The following PTPRR variants were observed in gnomAD, a reference collection of about 807,000 sequenced individuals.
PTPRR encodes protein tyrosine phosphatase receptor type R.
PTPRR carries 38 observed loss-of-function variants against 77.2 expected under a neutral mutation model. That is an observed-to-expected ratio of 0.49 (90% CI 0.38 to 0.65). The LOEUF is 0.65. Ranked by LOEUF, PTPRR falls within the 30% of genes least tolerant of loss-of-function variation. The probability of loss-of-function intolerance (pLI) is 0.00; values close to 1 mark genes in which losing one functional copy is unlikely to be tolerated. For missense variants in PTPRR, 744 were observed against 799.2 expected, an observed-to-expected ratio of 0.93 and a Z score of 0.83; for synonymous variants, 299 against 283.1, an observed-to-expected ratio of 1.06 and a Z score of -0.57.
intron 2 of PTPRR, among the ~76,000 whole-genome samples, chr12:70,775,907 C>T (rs1039923055): frequency 6.6e-6 from 1 of 152,124 alleles, no homozygotes; most frequent in Admixed American, 6.5e-5. Flanking sequence ...GAGTAGAGAA[C>T]GCTGACCTGT....
At chr12:70,754,601 A>G (rs1181597786) in intron 4 of PTPRR, 2 of 1,597,820 alleles carry the variant, frequency 1.3e-6, no homozygotes, top group Non-Finnish European at 1.7e-6. Flanking sequence ...CATAGGTAAG[A>G]GAGTTCTGTT....
At chr12:70,828,331 C>A (rs1892152523) in intron 2 of PTPRR, among the ~76,000 whole-genome samples, 1 of 152,150 alleles carries the variant, frequency 6.6e-6, no homozygotes, top group Admixed American at 6.5e-5. Context: ...GGTTCTTCAG[C>A]CCCTGAACTA....
At chr12:70,875,389 T>A (rs1434387221) in intron 2 of PTPRR, among the ~76,000 whole-genome samples, 1 of 152,130 alleles carries the variant, frequency 6.6e-6, no homozygotes, top group East Asian at 1.9e-4. Context: ...CATATACATA[T>A]TGGGTTCTTA....
chr12:70,895,731 T>A (rs572054616), intron 1 of PTPRR, among the ~76,000 whole-genome samples: 1 of 151,662 alleles, frequency 6.6e-6, no homozygotes, highest in Non-Finnish European at 1.5e-5. Context: ...AATTCTTATG[T>A]TCAAACTCTG....
chr12:70,789,123 A>G, intron 2 of PTPRR: 2 of 429,120 alleles, frequency 4.7e-6, no homozygotes, highest in Non-Finnish European at 4.1e-6. Context: ...GCAAAACTGT[A>G]AGATGAGAAC....
chr12:70,765,268 G>A (rs1467547800), intron 2 of PTPRR, among the ~76,000 whole-genome samples: 1 of 152,218 alleles, frequency 6.6e-6, no homozygotes, highest in South Asian at 2.1e-4. Flanking sequence ...AAAGAAAGGG[G>A]TGACAGACGG....
chr12:70,653,856 G>C (rs1234355756), intron 13 of PTPRR, among the ~76,000 whole-genome samples: 1 of 152,186 alleles, frequency 6.6e-6, no homozygotes, highest in African/African-American at 2.4e-5. Context: ...TGTTTCCAGA[G>C]CCCAGAATGT....
intron 2 of PTPRR, among the ~76,000 whole-genome samples, chr12:70,842,095 T>C (rs916044939): frequency 6.6e-6 from 1 of 152,228 alleles, no homozygotes; most frequent in Non-Finnish European, 1.5e-5. Context: ...GCAATTCCTA[T>C]GGAAACAAAA....
chr12:70,864,833 T>C (rs558127159), intron 2 of PTPRR, among the ~76,000 whole-genome samples: 17 of 152,286 alleles, frequency 1.1e-4, no homozygotes, highest in Admixed American at 4.6e-4. Flanking sequence ...GTTTTTGAGA[T>C]GGAGCTCTCA....
chr12:70,754,421 C>A (rs1306830550), intron 4 of PTPRR, 120 bp from the exon 5 acceptor site: 1 of 1,562,500 alleles, frequency 6.4e-7, no homozygotes, highest in African/African-American at 1.4e-5. Context: ...CACACCTACA[C>A]CCCCCGCTGC....
intron 8 of PTPRR, among the ~76,000 whole-genome samples, chr12:70,690,779 A>T (rs553278528): frequency 6.6e-6 from 1 of 152,352 alleles, no homozygotes; most frequent in South Asian, 2.1e-4. Flanking sequence ...ATCACTTTCC[A>T]TCAAGAGTTG....
chr12:70,716,804 T>C (rs1422609699), intron 6 of PTPRR, among the ~76,000 whole-genome samples: 1 of 152,160 alleles, frequency 6.6e-6, no homozygotes, highest in Non-Finnish European at 1.5e-5. Flanking sequence ...GCTATAATTG[T>C]GCCACTGCAC....
At chr12:70,735,824 A>G (rs1889843337) in intron 6 of PTPRR, among the ~76,000 whole-genome samples, 1 of 152,204 alleles carries the variant, frequency 6.6e-6, no homozygotes. Context: ...GTCTGAGATC[A>G]TACATAAGCA....
intron 2 of PTPRR, among the ~76,000 whole-genome samples, chr12:70,799,654 G>T (rs1389523528): frequency 6.6e-6 from 1 of 151,952 alleles, no homozygotes; most frequent in Non-Finnish European, 1.5e-5. Context: ...TTCTTTCTTG[G>T]AAATAAACAT....
intron 8 of PTPRR, among the ~76,000 whole-genome samples, chr12:70,691,540 A>G (rs1888056222): frequency 6.6e-6 from 1 of 152,106 alleles, no homozygotes; most frequent in South Asian, 2.1e-4. Context: ...TCTCAAATAC[A>G]TACTTCAGAC....
intron 12 of PTPRR, among the ~76,000 whole-genome samples, chr12:70,657,324 G>A (rs752270951): frequency 2.6e-5 from 4 of 152,342 alleles, no homozygotes; most frequent in African/African-American, 7.2e-5. Context: ...ATGTTCAGAA[G>A]TCTAGTGAAT....
At chr12:70,754,903 C>A in intron 4 of PTPRR, 1 of 536,578 alleles carries the variant, frequency 1.9e-6, no homozygotes, top group Non-Finnish European at 3.0e-6. Flanking sequence ...ACATATTTTT[C>A]TAAAGTAATA....
intron 8 of PTPRR, among the ~76,000 whole-genome samples, chr12:70,692,243 A>G (rs1284380741): frequency 2.6e-5 from 4 of 152,126 alleles, no homozygotes; most frequent in Non-Finnish European, 2.9e-5. Context: ...CTGTATTTAC[A>G]TACTTAACTA....
intron 2 of PTPRR, among the ~76,000 whole-genome samples, chr12:70,832,648 C>A (rs191391915): frequency 2.0e-4 from 30 of 152,142 alleles, no homozygotes; most frequent in South Asian, 8.3e-4. Context: ...GGATAGGAAC[C>A]AAGAGGATAT....
Sources: gnomAD v4.1 joint callset for allele counts (sites outside exome capture counted in the v4.1 genomes callset) on GRCh38, gnomAD v4.1.1 for gene constraint, MANE v1.5 for transcripts, NCBI Gene and HGNC (gene_info 2026-07-23, HGNC 2026-07-21) for gene names.